PSMC3: variants seen among roughly 807,000 people sequenced by gnomAD.
The protein encoded by PSMC3 is 26S proteasome regulatory subunit 6A.
In PSMC3, 11 loss-of-function variants were observed where a neutral mutation model predicts 52.0. The ratio of observed to expected loss-of-function variants is 0.21; its 90% CI spans 0.13 to 0.35. The LOEUF (loss-of-function observed/expected upper bound fraction) is 0.35. Among genes scored for constraint, PSMC3 ranks in the 10% least tolerant of loss-of-function variants. PSMC3 has a pLI of 1.00. For missense variants in PSMC3, 238 were observed against 567.1 expected (o/e 0.42, Z 5.89); for synonymous variants, 201 against 218.8 (o/e 0.92, Z 0.72).
At chr11:47,421,388 G>C (rs1473887293) in intron 8 of PSMC3, among the ~76,000 whole-genome samples, 1 of 151,858 alleles carries the variant, frequency 6.6e-6, no homozygotes, top group Non-Finnish European at 1.5e-5. Flanking sequence ...CTGTACAGGA[G>C]AGCCCAGGCA....
At chr11:47,419,579 G>T (rs1437037283) in intron 10 of PSMC3, among the ~76,000 whole-genome samples, 1 of 152,140 alleles carries the variant, frequency 6.6e-6, no homozygotes, top group Non-Finnish European at 1.5e-5. Flanking sequence ...TGAGGCTGAG[G>T]CCGGGCGTGG....
Position 47,418,855 on chromosome 11 carries a change from T to G in PSMC3, c.1300A>C (p.Asn434His). The change falls in exon 12 of 12, where the codon AAC becomes CAC. Residue 434 changes from asparagine to histidine, a missense_variant. By Grantham distance (68) the Asn-to-His change is moderately conservative. Around this residue, in one of 6 missense-constraint regions of PSMC3, gnomAD observed 23 missense variants for 64.6 expected, o/e 0.36. Coordinates refer to ENST00000298852, the MANE Select transcript of PSMC3 (RefSeq NM_002804.5). The part of the protein sequence containing the change: ...ILEVQAKKKA[N>H]LQYYA ...GTGCCCTAGGCGTAGTATTGTAGGT[T>G]GGCTTTCTTCTTGGCCTGCACCTCC... 3 of 1,614,156 alleles carry G rather than the reference T, an allele frequency of 1.9e-6. No homozygotes were observed. Among genetic ancestry groups the G allele is most frequent in the Non-Finnish European group, 2.5e-6 (3 of 1,179,976 alleles).
chr11:47,423,997 G>T (rs1412468696), intron 6 of PSMC3, 49 bp downstream of exon 6: 1 of 1,613,266 alleles, frequency 6.2e-7, no homozygotes, highest in Admixed American at 1.7e-5. Flanking sequence ...ATGGCGTGGA[G>T]AAACTAAAAG....
Position 47,420,333 on chromosome 11 carries a change from T to G in PSMC3, c.1058A>C (p.Glu353Ala). Reference sequence around the variant, plus strand: ...GGCCTCCTCATTGGGCATCGGGAACTCTATCTTGCGGTCAAGGCGGCCCGA... The same window carrying G: ...GGCCTCCTCATTGGGCATCGGGAACGCTATCTTGCGGTCAAGGCGGCCCGA... ...LRSGRLDRKI[E>A]FPMPNEEARA... Residue 353 changes from glutamate to alanine, a missense_variant, in exon 10 of 12, where the codon GAG (glutamate) becomes GCG (alanine). Glu to Ala is a moderately radical substitution (Grantham distance 107). Around this residue, in one of 6 missense-constraint regions of PSMC3, gnomAD observed 46 missense variants for 172.9 expected, o/e 0.27. Transcript: ENST00000298852. 2 of 1,614,178 alleles carry G rather than the reference T, an allele frequency of 1.2e-6. No homozygotes were observed. The highest frequency in any genetic ancestry group is 1.3e-5 in the African/African-American group (1 of 75,058).
chr11:47,419,702 A>C (rs2096037847), intron 10 of PSMC3, among the ~76,000 whole-genome samples: 1 of 152,130 alleles, frequency 6.6e-6, no homozygotes. Context: ...TACTAAAAAT[A>C]CAAAAAATTA....
chr11:47,423,697 C>G (rs939841417), intron 6 of PSMC3, among the ~76,000 whole-genome samples: 2 of 151,840 alleles, frequency 1.3e-5, no homozygotes, highest in Non-Finnish European at 2.9e-5. Context: ...GAGGCTGAGG[C>G]AGAATTGCTT....
intron 8 of PSMC3, among the ~76,000 whole-genome samples, chr11:47,421,216 C>T (rs1247630039): frequency 3.5e-5 from 5 of 143,558 alleles, no homozygotes; most frequent in Admixed American, 1.4e-4. Flanking sequence ...CGCCACTGCA[C>T]TCCAGCCTGG....
rs746636024 is a variant in PSMC3 at position 47,425,110 on chromosome 11, T to TAC, written c.285+9_285+10dup. 6 of 1,613,846 alleles carry TAC rather than the reference T, an allele frequency of 3.7e-6. No homozygotes were observed. The highest frequency in any genetic ancestry group is 1.3e-5 in the African/African-American group (1 of 74,906). On this transcript the variant is annotated intron_variant, in intron 3 of 11. Transcript: ENST00000298852. The stretch of plus-strand genomic sequence containing the variant: ...CTGACTCCCTCTCTTCCCCTCCACA[T>TAC]ACACACACACCTCGATGACGTTGGA...
In PSMC3 at chr11:47,422,749, G is replaced by A. The variant is rs2153303934; in HGVS notation, c.736-27C>T. Reference sequence around the variant, plus strand: ...TGGCAGGAAAAGGTGGTAGAGTCAGGTCAAAGGCAGACCCTTTGAGCCCAT... The same window carrying A: ...TGGCAGGAAAAGGTGGTAGAGTCAGATCAAAGGCAGACCCTTTGAGCCCAT... On this transcript the variant is annotated intron_variant, in intron 7 of 11. Transcript: ENST00000298852. This position sits in a 1 kb window ranked among gnomAD's most constrained non-coding sequence, Gnocchi z 4.3. The A allele has an allele frequency of 6.2e-7, 1 of 1,613,636 alleles. No individual in the cohort carries two copies. The highest frequency in any genetic ancestry group is 8.5e-7 in the Non-Finnish European group (1 of 1,179,652).
intron 10 of PSMC3, among the ~76,000 whole-genome samples, chr11:47,419,661 C>T (rs1166284703): frequency 6.6e-6 from 1 of 152,136 alleles, no homozygotes; most frequent in Non-Finnish European, 1.5e-5. Flanking sequence ...AAATCAAGAC[C>T]ATTCTGGCTA....
In PSMC3 at chr11:47,424,252, G is replaced by C; in HGVS notation, c.454-69C>G. On this transcript the variant is annotated intron_variant, in intron 5 of 11. Transcript: ENST00000298852. This position sits in a 1 kb window ranked among gnomAD's most constrained non-coding sequence, Gnocchi z 4.8. Reference sequence around the variant, plus strand: ...GGCTACCCAACTGACTGGGTGACAGGTGTCTGCAGAGGGAAAGACACAGGA... The same window carrying C: ...GGCTACCCAACTGACTGGGTGACAGCTGTCTGCAGAGGGAAAGACACAGGA... The C allele has an allele frequency of 6.2e-7, 1 of 1,606,552 alleles. No homozygotes were observed. Among genetic ancestry groups the C allele is most frequent in the Non-Finnish European group, 8.5e-7 (1 of 1,173,276 alleles).
In PSMC3 at chr11:47,424,780, T is replaced by C; in HGVS notation, c.286-69A>G. 5.9e-6 allele frequency: 8 copies of C among 1,349,970 alleles called. No homozygotes were observed. Among genetic ancestry groups the C allele is most frequent in the Admixed American group, 5.1e-5 (3 of 59,178 alleles). The allele number at this position is 1,349,970 out of a possible 1,614,324, so 83.6% of individuals were successfully genotyped here. A position where few individuals can be genotyped will look rare whatever the true frequency, so the allele number is the denominator to read the frequency against. ...CAGTGCTTCCTAAGACAGTTCCTAA[T>C]ACCTGCAGGGCTGGCCATCCTTACC... On this transcript the variant is annotated intron_variant, in intron 3 of 11. Transcript: ENST00000298852. This position sits in a 1 kb window ranked among gnomAD's most constrained non-coding sequence, Gnocchi z 4.8.
intron 6 of PSMC3, among the ~76,000 whole-genome samples, 160 bp downstream of exon 6, chr11:47,423,886 C>G (rs2096043555): frequency 6.6e-6 from 1 of 152,110 alleles, no homozygotes; most frequent in Non-Finnish European, 1.5e-5. Context: ...GGCATTTAAA[C>G]TCTCTGGGCT....
At chr11:47,420,162 T>G (rs1595891293) in intron 10 of PSMC3, 102 bp downstream of exon 10, 1 of 1,373,472 alleles carries the variant, frequency 7.3e-7, no homozygotes, top group Non-Finnish European at 1.0e-6. Context: ...GCCTGGGAGG[T>G]GGTGGTCGTG....
chr11:47,419,307 C>G, intron 10 of PSMC3, 110 bp from the exon 11 acceptor site: 1 of 1,122,234 alleles, frequency 8.9e-7, no homozygotes, highest in East Asian at 2.4e-5. Context: ...GCCCTGTGAT[C>G]AGAGGCAAGT....
intron 2 of PSMC3, chr11:47,425,483 G>A (rs916577700): frequency 2.0e-5 from 12 of 590,128 alleles, no homozygotes; most frequent in Middle Eastern, 4.5e-4. Context: ...GCAGGCCTCC[G>A]AGAGAGGCAA....
Position 47,418,956 on chromosome 11 carries a change from G to A in PSMC3, c.1210-11C>T, listed in dbSNP as rs759715283. 1.9e-6 allele frequency: 3 copies of A among 1,613,638 alleles called. No individual in the cohort carries two copies. The highest frequency in any genetic ancestry group is 2.5e-6 in the Non-Finnish European group (3 of 1,179,732). On this transcript the variant is annotated splice_polypyrimidine_tract_variant and intron_variant, in intron 11 of 11. Coordinates refer to ENST00000298852, the MANE Select transcript of PSMC3 (RefSeq NM_002804.5). ...CAGTGCGATCATGCCCTACAGCCGG[G>A]ACAAACAGAGTCTAGGTCTGAACGC...
Position 47,422,801 on chromosome 11 carries a change from T to A in PSMC3, c.735+29A>T. 2 of 1,602,816 alleles carry A rather than the reference T, an allele frequency of 1.2e-6. No homozygotes were observed. The highest frequency in any genetic ancestry group is 1.7e-6 in the Non-Finnish European group (2 of 1,171,992). ...TGGTAGAGTTTCTGCTCCTGCCCACTTCCCCCGCATCCCTCCCAAAGTACT... is the reference window on the plus strand; with the variant it reads ...TGGTAGAGTTTCTGCTCCTGCCCACATCCCCCGCATCCCTCCCAAAGTACT... On this transcript the variant is annotated intron_variant, in intron 7 of 11. Coordinates refer to ENST00000298852, the MANE Select transcript of PSMC3 (RefSeq NM_002804.5). The surrounding 1 kb of genome is among the most constrained non-coding windows in gnomAD (Gnocchi z 4.3).
chr11:47,423,776 C>T lies in PSMC3; in HGVS notation c.591+270G>A, dbSNP rs190279137. On this transcript the variant is annotated intron_variant, in intron 6 of 11. Coordinates refer to ENST00000298852, the MANE Select transcript of PSMC3 (RefSeq NM_002804.5). ...TGCACTCCAGCATGGGCAGTAAAAG[C>T]AAAACTCCATCTCGGAAAAAAAAAA... 6.7e-5 allele frequency among the ~76,000 whole-genome samples: 9 copies of T among 133,774 alleles called. No individual in the cohort carries two copies. In the East Asian group the frequency reaches 2.0e-3, roughly 30 times the overall value. 87.8% of individuals were successfully genotyped at this position (133,774 alleles called of 152,430 possible). A position where few individuals can be genotyped will look rare whatever the true frequency, so the allele number is the denominator to read the frequency against.
Sources: allele counts gnomAD v4.1 joint callset (sites outside exome capture counted in the v4.1 genomes callset), GRCh38; gene constraint gnomAD v4.1.1; regional missense constraint gnomAD v4.1.1; non-coding constraint Gnocchi (gnomAD v3.1); transcripts MANE v1.5; gene names NCBI Gene and HGNC (gene_info 2026-07-23, HGNC 2026-07-21).